The following MAP4K3 variants were observed in gnomAD, a reference collection of about 807,000 sequenced individuals.
MAP4K3 encodes mitogen-activated protein kinase kinase kinase kinase 3.
Under a neutral mutation model 143.5 loss-of-function variants are expected in MAP4K3, and 94 were observed. The observed-to-expected ratio is 0.65, with a 90% confidence interval of 0.55 to 0.78. The LOEUF (loss-of-function observed/expected upper bound fraction) is 0.78, where lower values mean the gene tolerates loss of function less well. MAP4K3 is among the 30% of genes least tolerant of loss of function. The pLI, the probability that MAP4K3 is intolerant of heterozygous loss-of-function variation, is 0.00. For synonymous variants in MAP4K3, 416 were observed against 347.2 expected (o/e 1.20, Z -2.20); for missense variants, 1,077 against 1,068.1 (o/e 1.01, Z -0.12).
At chr2:39,274,213 TTCTC>T (rs1289829999) in intron 24 of MAP4K3, among the ~76,000 whole-genome samples, 5 of 150,838 alleles carry the variant, frequency 3.3e-5, no homozygotes, top group Admixed American at 1.3e-4. Context: ...TGAATTTTCT[TTCTC>T]TCTCTTTTTT....
Position 39,260,630 on chromosome 2 carries a change from T to C in MAP4K3, c.2284A>G (p.Thr762Ala), listed in dbSNP as rs773728631. 1.4e-5 allele frequency: 22 copies of C among 1,613,750 alleles called. No individual in the cohort carries two copies. Among genetic ancestry groups the C allele is most frequent in the Middle Eastern group, 1.6e-4 (1 of 6,082 alleles). ...CCTGATTCTGTAAACCATGAAGAGG[T>C]AGAATTTGGATTGACCGTCTCAAAT... Reference protein sequence around the residue: ...VRFETVNPNSTSSWFTESDTP... With the variant: ...VRFETVNPNSASSWFTESDTP... The change falls in exon 29 of 34, where the codon ACC (threonine) becomes GCC (alanine). Residue 762 changes from threonine (T) to alanine (A), a missense_variant. Thr to Ala is a moderately conservative substitution (Grantham distance 58, BLOSUM62 0). Transcript: ENST00000263881.
chr2:39,407,574 G>T (rs1035227179), intron 1 of MAP4K3, among the ~76,000 whole-genome samples: 2 of 152,062 alleles, frequency 1.3e-5, no homozygotes, highest in Non-Finnish European at 2.9e-5. Flanking sequence ...TTTTTGTTTT[G>T]TTTTTTATAG....
chr2:39,258,562 A>T lies in MAP4K3; in HGVS notation c.2334T>A (p.His778Gln), dbSNP rs148210729. 9.5e-5 allele frequency: 153 copies of T among 1,613,624 alleles called. No individual in the cohort carries two copies. Among genetic ancestry groups the T allele is most frequent in the Non-Finnish European group, 1.2e-4 (146 of 1,179,614 alleles). The change falls in exon 30 of 34, where the codon CAT becomes CAA. Residue 778 changes from histidine (H) to glutamine (Q), a missense_variant. Physicochemically the swap from His to Gln is conservative, Grantham distance 24 (BLOSUM62 0). Around this residue, in one of 2 missense-constraint regions of MAP4K3, gnomAD observed 864 missense variants for 801.2 expected, o/e 1.08. Transcript: ENST00000263881. ...ESDTPQTNVT[H>Q]VTQLERDTIL... is the part of the protein sequence containing the mutation. ...TGGTATCTCTCTCCAGTTGGGTTAC[A>T]TGAGTAACATTTGTCTGTGGGGTAT...
intron 29 of MAP4K3, among the ~76,000 whole-genome samples, chr2:39,259,174 T>G (rs987752796): frequency 1.3e-5 from 2 of 151,938 alleles, no homozygotes; most frequent in African/African-American, 4.8e-5. Flanking sequence ...AAAAAAAAAT[T>G]TAGAGATGGG....
chr2:39,312,811 C>T (rs1227079698), intron 13 of MAP4K3, among the ~76,000 whole-genome samples: 1 of 152,200 alleles, frequency 6.6e-6, no homozygotes, highest in African/African-American at 2.4e-5. Context: ...ACAGCTTTCA[C>T]CTATACTTGT....
intron 2 of MAP4K3, among the ~76,000 whole-genome samples, chr2:39,377,315 T>C (rs1666246418): frequency 6.6e-6 from 1 of 151,790 alleles, no homozygotes; most frequent in Non-Finnish European, 1.5e-5. Flanking sequence ...ATTATCAGCT[T>C]GTAAAGGAAG....
At chr2:39,432,131 G>A (rs1279735295) in intron 1 of MAP4K3, among the ~76,000 whole-genome samples, 2 of 152,158 alleles carry the variant, frequency 1.3e-5, no homozygotes, top group Admixed American at 1.3e-4. Flanking sequence ...TCTACTCACA[G>A]TTCATAACAC....
At chr2:39,285,654 A>T (rs1008963224) in intron 21 of MAP4K3, among the ~76,000 whole-genome samples, 1 of 148,238 alleles carries the variant, frequency 6.7e-6, no homozygotes, top group African/African-American at 2.4e-5. Context: ...GATATAGCAC[A>T]AAAGACTCTA....
rs376449877 is a variant in MAP4K3 at position 39,292,844 on chromosome 2, T to C, written c.1218-18A>G. On this transcript the variant is annotated intron_variant, in intron 17 of 33. Coordinates refer to ENST00000263881, the MANE Select transcript of MAP4K3 (RefSeq NM_003618.4). ...CGTGTCCTCTAAATAAAAAGGATAATGTCATTGTTATTAAATGGATTTTAC... is the reference window on the plus strand; with the variant it reads ...CGTGTCCTCTAAATAAAAAGGATAACGTCATTGTTATTAAATGGATTTTAC... 3 of 1,601,474 alleles carry C rather than the reference T, an allele frequency of 1.9e-6. No individual in the cohort carries two copies. The highest frequency in any genetic ancestry group is 3.4e-5 in the Admixed American group (2 of 59,566).
At chr2:39,343,032 C>A (rs1221544403) in intron 4 of MAP4K3, among the ~76,000 whole-genome samples, 1 of 152,010 alleles carries the variant, frequency 6.6e-6, no homozygotes, top group Non-Finnish European at 1.5e-5. Flanking sequence ...TACATGAGAG[C>A]AAAATAAATT....
rs144763136 is a variant in MAP4K3 at position 39,428,347 on chromosome 2, T to C, written c.96+8545A>G. The stretch of plus-strand genomic sequence containing the variant: ...TACACAGAAACACACACATCTCATA[T>C]ATAAAAGTAAACCAAGTTTTATAAG... On this transcript the variant is annotated intron_variant, in intron 1 of 33. Coordinates refer to ENST00000263881, the MANE Select transcript of MAP4K3 (RefSeq NM_003618.4). Among the ~76,000 whole-genome samples the C allele has an allele frequency of 5.5e-3, 831 of 152,316 alleles. 9 individuals are homozygous for C. Among genetic ancestry groups the C allele is most frequent in the African/African-American group, 0.019 (775 of 41,566 alleles).
At chr2:39,254,724 C>A (rs878944192) in intron 31 of MAP4K3, among the ~76,000 whole-genome samples, 1 of 152,040 alleles carries the variant, frequency 6.6e-6, no homozygotes, top group African/African-American at 2.4e-5. Flanking sequence ...AAAAAATTCA[C>A]CGAAAATATT....
intron 7 of MAP4K3, among the ~76,000 whole-genome samples, chr2:39,332,964 G>T (rs1484395368): frequency 1.3e-5 from 2 of 151,750 alleles, no homozygotes; most frequent in Non-Finnish European, 2.9e-5. Context: ...ATATGACTTT[G>T]TTCATAAAAC....
intron 1 of MAP4K3, among the ~76,000 whole-genome samples, chr2:39,398,696 G>A (rs1484580266): frequency 6.8e-6 from 1 of 146,450 alleles, no homozygotes; most frequent in Non-Finnish European, 1.5e-5. Flanking sequence ...TTCCTTTGAT[G>A]GTTTCAGGAA....
At chr2:39,432,049 T>A (rs1558355167) in intron 1 of MAP4K3, among the ~76,000 whole-genome samples, 1 of 152,222 alleles carries the variant, frequency 6.6e-6, no homozygotes, top group Non-Finnish European at 1.5e-5. Flanking sequence ...TCTCAAACTA[T>A]GACAGCTAAT....
chr2:39,431,075 A>G (rs1553321012), intron 1 of MAP4K3, among the ~76,000 whole-genome samples: 1 of 152,230 alleles, frequency 6.6e-6, no homozygotes, highest in Non-Finnish European at 1.5e-5. Context: ...AGTTTCCTGG[A>G]TTTATACTCT....
chr2:39,428,859 A>G (rs975218922), intron 1 of MAP4K3, among the ~76,000 whole-genome samples: 2 of 150,120 alleles, frequency 1.3e-5, no homozygotes, highest in South Asian at 2.1e-4. Context: ...CACGAGGTCA[A>G]GAGTTCGAGA....
chr2:39,298,117 T>C (rs773182322), intron 16 of MAP4K3, among the ~76,000 whole-genome samples: 1 of 152,128 alleles, frequency 6.6e-6, no homozygotes, highest in Non-Finnish European at 1.5e-5. Context: ...TAAAATTTAC[T>C]AACAAGGACC....
In MAP4K3 at chr2:39,387,091, G is replaced by A. The variant is rs141702808; in HGVS notation, c.97-8968C>T. On this transcript the variant is annotated intron_variant, in intron 1 of 33. Coordinates refer to ENST00000263881, the MANE Select transcript of MAP4K3 (RefSeq NM_003618.4). The stretch of plus-strand genomic sequence containing the variant: ...GGCCTCCCAAAGTGCTGGGATGACA[G>A]GTATGAGCCACCACCACGCCCGGCC... Among the ~76,000 whole-genome samples the A allele has an allele frequency of 1.7e-3, 256 of 152,192 alleles. 6 individuals carry two copies. In the East Asian group the frequency reaches 0.024, roughly 14 times the overall value.
Sources: gnomAD v4.1 joint callset for allele counts (sites outside exome capture counted in the v4.1 genomes callset) on GRCh38, gnomAD v4.1.1 for gene constraint, gnomAD v4.1.1 regional missense constraint, MANE v1.5 for transcripts, NCBI Gene and HGNC (gene_info 2026-07-23, HGNC 2026-07-21) for gene names.